NRG1: variants seen among roughly 807,000 people sequenced by gnomAD.
The protein encoded by NRG1 is neuregulin 1.
Under a neutral mutation model 63.8 loss-of-function variants are expected in NRG1, and 18 were observed. The ratio of observed to expected loss-of-function variants is 0.28; its 90% CI spans 0.19 to 0.42. The LOEUF (loss-of-function observed/expected upper bound fraction) is 0.42, where lower values mean the gene tolerates loss of function less well. Ranked by LOEUF, NRG1 falls within the 10% of genes least tolerant of loss-of-function variation. The pLI, the probability that NRG1 is intolerant of heterozygous loss-of-function variation, is 1.00. For synonymous variants in NRG1, 302 were observed against 301.3 expected, an observed-to-expected ratio of 1.00 and a Z score of -0.02; for missense variants, 762 against 814.7, an observed-to-expected ratio of 0.94 and a Z score of 0.79.
At chr8:32,683,184 A>G (rs1010162857) in intron 5 of NRG1, among the ~76,000 whole-genome samples, 1 of 152,230 alleles carries the variant, frequency 6.6e-6, no homozygotes, top group Non-Finnish European at 1.5e-5. Flanking sequence ...ATTTATGACC[A>G]GAAGCCAACA....
At chr8:32,082,535 C>T (rs755771750) in intron 1 of NRG1, among the ~76,000 whole-genome samples, 2 of 152,048 alleles carry the variant, frequency 1.3e-5, no homozygotes, top group African/African-American at 2.4e-5. Context: ...TGAAAAACAA[C>T]AGGAAAATAA....
At chr8:31,911,229 C>G (rs1832917606) in intron 1 of NRG1, among the ~76,000 whole-genome samples, 1 of 152,104 alleles carries the variant, frequency 6.6e-6, no homozygotes, top group African/African-American at 2.4e-5. Context: ...CAATCCTAAA[C>G]TTGTATATAT....
intron 5 of NRG1, among the ~76,000 whole-genome samples, chr8:32,705,733 A>G (rs1411394486): frequency 1.3e-5 from 2 of 152,248 alleles, no homozygotes; most frequent in Admixed American, 1.3e-4. Flanking sequence ...CAAAATCACC[A>G]GCATCATTGG....
chr8:32,179,187 T>TAA (rs35411561), intron 1 of NRG1, among the ~76,000 whole-genome samples: 4,778 of 66,498 alleles, frequency 0.072, 629 homozygotes, highest in African/African-American at 0.13. Flanking sequence ...CTCACAGTCA[T>TAA]AAAAAAAAAA....
chr8:32,317,287 G>C (rs199775838), intron 1 of NRG1, among the ~76,000 whole-genome samples: 2 of 152,144 alleles, frequency 1.3e-5, no homozygotes, highest in African/African-American at 2.4e-5. Flanking sequence ...CATTTCCCAG[G>C]GTTCTGATTT....
intron 1 of NRG1, among the ~76,000 whole-genome samples, chr8:32,285,581 A>C (rs1853425669): frequency 6.6e-6 from 1 of 152,176 alleles, no homozygotes; most frequent in Admixed American, 6.5e-5. Context: ...GCAATACCAA[A>C]AGATATGGAT....
intron 1 of NRG1, among the ~76,000 whole-genome samples, chr8:31,958,697 T>C (rs1458181896): frequency 6.6e-6 from 1 of 152,224 alleles, no homozygotes; most frequent in Non-Finnish European, 1.5e-5. Context: ...GAAAATATGC[T>C]TTACTATTAC....
intron 1 of NRG1, among the ~76,000 whole-genome samples, chr8:31,951,125 G>C (rs964714378): frequency 6.6e-6 from 1 of 152,154 alleles, no homozygotes; most frequent in East Asian, 1.9e-4. Context: ...GGGAAAGTTG[G>C]GAAAATAGTT....
At chr8:32,732,669 T>A (rs1823984047) in intron 6 of NRG1, among the ~76,000 whole-genome samples, 1 of 152,150 alleles carries the variant, frequency 6.6e-6, no homozygotes, top group Non-Finnish European at 1.5e-5. Context: ...GCTAAAGTAC[T>A]TTTAACTCTG....
chr8:32,614,375 G>T, intron 3 of NRG1, 139 bp from the exon 4 acceptor site: 1 of 676,998 alleles, frequency 1.5e-6, no homozygotes, highest in Non-Finnish European at 2.6e-6. Flanking sequence ...CTCTCTGTAT[G>T]GTTAAAGCCT....
intron 1 of NRG1, among the ~76,000 whole-genome samples, chr8:32,107,392 C>G (rs1831427452): frequency 6.6e-6 from 1 of 152,144 alleles, no homozygotes; most frequent in African/African-American, 2.4e-5. Context: ...AAAATGATAG[C>G]TATTTCTCAC....
intron 1 of NRG1, among the ~76,000 whole-genome samples, chr8:31,815,587 C>T (rs1014061706): frequency 9.9e-5 from 15 of 152,100 alleles, no homozygotes; most frequent in African/African-American, 2.7e-4. Context: ...TCCCTGCTTT[C>T]GGTTCTTATG....
intron 1 of NRG1, among the ~76,000 whole-genome samples, chr8:32,170,825 G>C (rs2132002285): frequency 6.6e-6 from 1 of 152,214 alleles, no homozygotes; most frequent in South Asian, 2.1e-4. Context: ...GGTTTTATAG[G>C]TTGGGGCAAA....
intron 1 of NRG1, among the ~76,000 whole-genome samples, chr8:31,685,944 G>A (rs989116130): frequency 6.6e-6 from 1 of 152,030 alleles, no homozygotes; most frequent in African/African-American, 2.4e-5. Flanking sequence ...TATAAATAAT[G>A]GTACTATGAA....
chr8:32,561,280 A>G (rs1161239713), intron 1 of NRG1, among the ~76,000 whole-genome samples: 1 of 152,228 alleles, frequency 6.6e-6, no homozygotes. Context: ...TTTCTGTGCC[A>G]TTGAGGAATA....
intron 1 of NRG1, among the ~76,000 whole-genome samples, chr8:32,479,710 C>T (rs553766983): frequency 4.6e-5 from 7 of 152,110 alleles, no homozygotes; most frequent in African/African-American, 9.6e-5. Context: ...AGTACAGTGG[C>T]GCGATCTCAG....
At chr8:32,648,510 G>T (rs1854209137) in intron 5 of NRG1, 3 of 1,361,526 alleles carry the variant, frequency 2.2e-6, no homozygotes, top group South Asian at 3.0e-5. Context: ...CAAAGCCTAT[G>T]TTTGAGATGC....
At chr8:32,516,637 C>T (rs1277706762) in intron 1 of NRG1, among the ~76,000 whole-genome samples, 3 of 152,086 alleles carry the variant, frequency 2.0e-5, no homozygotes, top group Non-Finnish European at 1.5e-5. Context: ...TTGTAGGTAT[C>T]TTCCATCTCC....
intron 5 of NRG1, among the ~76,000 whole-genome samples, chr8:32,714,959 G>T (rs1175029529): frequency 2.0e-5 from 3 of 152,152 alleles, no homozygotes; most frequent in African/African-American, 7.2e-5. Context: ...AAAGCAGCAT[G>T]AAGGGCCAAT....
Sources: allele counts gnomAD v4.1 joint callset (sites outside exome capture counted in the v4.1 genomes callset), GRCh38; gene constraint gnomAD v4.1.1; transcripts MANE v1.5; gene names NCBI Gene and HGNC (gene_info 2026-07-23, HGNC 2026-07-21).